The following ROBO2 variants were observed in gnomAD, a reference collection of about 807,000 sequenced individuals.
ROBO2 encodes roundabout homolog 2.
In ROBO2, 53 loss-of-function variants were observed where a neutral mutation model predicts 160.8. The observed-to-expected ratio is 0.33, with a 90% CI of 0.26 to 0.41. The LOEUF (loss-of-function observed/expected upper bound fraction) is 0.41, where lower values mean the gene tolerates loss of function less well. Ranked by LOEUF, ROBO2 falls within the 10% of genes least tolerant of loss-of-function variation. ROBO2 has a pLI of 1.00. For missense variants in ROBO2, 1,577 were observed against 1,722.4 expected, an observed-to-expected ratio of 0.92 and a Z score of 1.49; for synonymous variants, 664 against 611.7, an observed-to-expected ratio of 1.09 and a Z score of -1.26.
chr3:77,272,344 C>T (rs1270889733), intron 2 of ROBO2, among the ~76,000 whole-genome samples: 2 of 152,090 alleles, frequency 1.3e-5, no homozygotes, highest in Non-Finnish European at 2.9e-5. Flanking sequence ...CCTCAGGAAA[C>T]TTACAGTCGT....
At chr3:76,010,324 T>C (rs1258215588) in intron 2 of ROBO2, among the ~76,000 whole-genome samples, 1 of 152,258 alleles carries the variant, frequency 6.6e-6, no homozygotes, top group Non-Finnish European at 1.5e-5. Context: ...ATAGTGGTTA[T>C]ACCTGGTTCT....
rs976398473 is a variant in ROBO2, at chr3:76,146,146, G to A, written c.109+208544G>A. On this transcript the variant is annotated intron_variant, in intron 2 of 26. Coordinates refer to the ROBO2 transcript ENST00000487694. ...ACTTGTTGGCAAAACTCCAACACTA[G>A]ATCTATGTAAACCCCTACCTTCTCC... Among the ~76,000 whole-genome samples, 3 of 151,894 alleles carry A rather than the reference G, an allele frequency of 2.0e-5. No homozygotes were observed. The East Asian group carries it at 5.8e-4, about 29-fold the overall frequency.
intron 2 of ROBO2, among the ~76,000 whole-genome samples, chr3:76,428,303 C>T (rs1383004638): frequency 1.3e-5 from 2 of 151,940 alleles, no homozygotes; most frequent in Admixed American, 1.3e-4. Flanking sequence ...CCTGTGGATA[C>T]CTCGAAAAGA....
chr3:77,184,416 G>C (rs1457059432), intron 2 of ROBO2, among the ~76,000 whole-genome samples: 1 of 151,926 alleles, frequency 6.6e-6, no homozygotes, highest in African/African-American at 2.4e-5. Context: ...AATATTATAT[G>C]CAAAAAAGGA....
At chr3:76,520,237 G>C (rs1233970346) in intron 2 of ROBO2, among the ~76,000 whole-genome samples, 1 of 152,082 alleles carries the variant, frequency 6.6e-6, no homozygotes, top group Admixed American at 6.6e-5. Context: ...GATCACCTGA[G>C]GTCAGGGGTT....
intron 2 of ROBO2, among the ~76,000 whole-genome samples, chr3:76,552,667 GCAAA>G (rs2083485837): frequency 6.6e-6 from 1 of 152,154 alleles, no homozygotes; most frequent in Admixed American, 6.5e-5. Context: ...GGAAACTATG[GCAAA>G]CACTCTATTG....
chr3:77,546,352 G>T, exon 7 of ROBO2: 1 of 1,613,030 alleles, frequency 6.2e-7, no homozygotes, highest in South Asian at 1.1e-5. Flanking sequence ...CCCACAGTTT[G>T]TGGTTCGGCC....
At chr3:76,129,870 G>A (rs1045365815) in intron 2 of ROBO2, among the ~76,000 whole-genome samples, 9 of 151,914 alleles carry the variant, frequency 5.9e-5, no homozygotes, top group Non-Finnish European at 8.8e-5. Flanking sequence ...CATATCTTAT[G>A]CCTATAACTC....
At chr3:76,815,119 C>T (rs1017897790) in intron 2 of ROBO2, among the ~76,000 whole-genome samples, 12 of 151,928 alleles carry the variant, frequency 7.9e-5, no homozygotes, top group African/African-American at 2.7e-4. Context: ...GCCAAGCTAC[C>T]GATCTATTGC....
At chr3:76,574,717 T>A (rs2085176771) in intron 2 of ROBO2, among the ~76,000 whole-genome samples, 1 of 152,020 alleles carries the variant, frequency 6.6e-6, no homozygotes, top group South Asian at 2.1e-4. Flanking sequence ...ATCTGTGAAA[T>A]AGAACCGGGC....
intron 1 of ROBO2, among the ~76,000 whole-genome samples, chr3:77,057,278 A>G (rs929232927): frequency 1.3e-5 from 2 of 152,118 alleles, no homozygotes; most frequent in African/African-American, 4.8e-5. Context: ...ACTTGGACAC[A>G]GGGTGGGGAA....
chr3:77,158,112 G>A (rs1324651054), intron 2 of ROBO2, among the ~76,000 whole-genome samples: 3 of 152,130 alleles, frequency 2.0e-5, no homozygotes, highest in East Asian at 3.8e-4. Context: ...AGGCTGAGCC[G>A]AGGAGTGAAA....
intron 1 of ROBO2, among the ~76,000 whole-genome samples, chr3:77,067,543 T>C (rs1451316646): frequency 1.3e-5 from 2 of 152,132 alleles, no homozygotes; most frequent in Admixed American, 6.6e-5. Context: ...ACTGAAAAGA[T>C]AGGGGAAAAT....
chr3:75,989,106 TTTG>T (rs1207185869), intron 2 of ROBO2, among the ~76,000 whole-genome samples: 2 of 151,974 alleles, frequency 1.3e-5, no homozygotes, highest in East Asian at 3.8e-4. Context: ...AAATATTTAT[TTTG>T]TTGTTGTTGT....
chr3:75,910,826 A>T lies in ROBO2; in HGVS notation c.-14+3866A>T, dbSNP rs961791199. Among the ~76,000 whole-genome samples, 90 of 152,144 alleles carry T rather than the reference A, an allele frequency of 5.9e-4. 3 individuals are homozygous for T. The highest frequency in any genetic ancestry group is 7.2e-5 in the African/African-American group (3 of 41,444). On this transcript the variant is annotated intron_variant, in intron 1 of 26. Coordinates refer to the ROBO2 transcript ENST00000487694. Reference sequence around the variant, plus strand: ...AGGATATATTACACAAGAGTGAACAAACAGAAGATACTGAACAAATATTCT... The same window carrying T: ...AGGATATATTACACAAGAGTGAACATACAGAAGATACTGAACAAATATTCT...
chr3:76,392,051 A>T (rs143488823), intron 2 of ROBO2, among the ~76,000 whole-genome samples: 1 of 152,268 alleles, frequency 6.6e-6, no homozygotes, highest in African/African-American at 2.4e-5. Context: ...ATTTTATAAC[A>T]TGTTTTCTTC....
chr3:76,226,438 G>A (rs1704290874), intron 2 of ROBO2, among the ~76,000 whole-genome samples: 1 of 152,168 alleles, frequency 6.6e-6, no homozygotes, highest in Admixed American at 6.5e-5. Flanking sequence ...AGGAATAAGG[G>A]TTGTTGTGGT....
intron 2 of ROBO2, among the ~76,000 whole-genome samples, chr3:77,150,555 G>T (rs1185638621): frequency 1.3e-5 from 2 of 152,018 alleles, no homozygotes; most frequent in Admixed American, 6.6e-5. Context: ...AATAAATGTT[G>T]AGTAAAATGT....
At chr3:76,268,663 G>A (rs1158737027) in intron 2 of ROBO2, among the ~76,000 whole-genome samples, 1 of 152,024 alleles carries the variant, frequency 6.6e-6, no homozygotes, top group Non-Finnish European at 1.5e-5. Flanking sequence ...ATAAAGTCAC[G>A]TTTGAATTAG....
Sources: gnomAD v4.1 joint callset for allele counts (sites outside exome capture counted in the v4.1 genomes callset) on GRCh38, gnomAD v4.1.1 for gene constraint, MANE v1.5 for transcripts, NCBI Gene and HGNC (gene_info 2026-07-23, HGNC 2026-07-21) for gene names.